ZFPM2: variants seen among roughly 807,000 people sequenced by gnomAD.
ZFPM2 encodes the protein zinc finger protein, FOG family member 2, also known as zinc finger protein ZFPM2.
In ZFPM2, 20 loss-of-function variants were observed where a neutral mutation model predicts 98.6. The ratio of observed to expected loss-of-function variants is 0.20; its 90% CI spans 0.14 to 0.29. The LOEUF (loss-of-function observed/expected upper bound fraction) is 0.29. ZFPM2 is among the 10% of genes least tolerant of loss of function. ZFPM2 has a pLI of 1.00. For missense variants in ZFPM2, 1,310 were observed against 1,388.6 expected (o/e 0.94, Z 0.90); for synonymous variants, 518 against 502.7 (o/e 1.03, Z -0.41).
chr8:105,753,354 A>C (rs1018972488), intron 5 of ZFPM2, among the ~76,000 whole-genome samples: 1 of 152,124 alleles, frequency 6.6e-6, no homozygotes, highest in Non-Finnish European at 1.5e-5. Context: ...ACCTATGGAC[A>C]GCTCCTCTGA....
At chr8:105,460,967 GA>G (rs1271786661) in intron 3 of ZFPM2, among the ~76,000 whole-genome samples, 3 of 151,634 alleles carry the variant, frequency 2.0e-5, no homozygotes, top group Non-Finnish European at 4.4e-5. Context: ...GTGGATAATA[GA>G]AAAAAATTTT....
chr8:105,345,395 C>T (rs1012347584), intron 1 of ZFPM2, among the ~76,000 whole-genome samples: 11 of 146,030 alleles, frequency 7.5e-5, no homozygotes, highest in African/African-American at 2.2e-4. Context: ...CATGATTCTG[C>T]GCTGACATAT....
At chr8:105,547,542 CAAAAAAAAAAAAA>C (rs148322534) in intron 3 of ZFPM2, among the ~76,000 whole-genome samples, 27 of 47,182 alleles carry the variant, frequency 5.7e-4, no homozygotes, top group Middle Eastern at 0.013. Context: ...AACTCCATCT[CAAAAAAAAAAAAA>C]AAAAAAAAAA....
rs184580499 is a variant in ZFPM2, at chr8:105,327,712, A to T, written c.40+8731A>T. ...TTACCTAGTTTGGAAGAGTGGCTTT[A>T]AAGCTTAACACACAATTCGATTAAA... On this transcript the variant is annotated intron_variant, in intron 1 of 7. Coordinates refer to ENST00000407775, the MANE Select transcript of ZFPM2 (RefSeq NM_012082.4). Among the ~76,000 whole-genome samples, 318 of 151,938 alleles carry T rather than the reference A, an allele frequency of 2.1e-3. 2 individuals are homozygous for T. The highest frequency in any genetic ancestry group is 7.4e-3 in the African/African-American group (307 of 41,522).
chr8:105,366,690 C>T (rs1444014425), intron 1 of ZFPM2, among the ~76,000 whole-genome samples: 1 of 121,444 alleles, frequency 8.2e-6, no homozygotes, highest in Non-Finnish European at 1.6e-5. Flanking sequence ...CCACCATAGT[C>T]CCCAGAGTGT....
intron 3 of ZFPM2, among the ~76,000 whole-genome samples, chr8:105,547,875 C>T (rs1344919831): frequency 2.0e-5 from 3 of 152,068 alleles, no homozygotes; most frequent in African/African-American, 4.8e-5. Context: ...TACCCATTTG[C>T]ATGATGCAGT....
At chr8:105,400,110 TC>T (rs1811307442) in intron 1 of ZFPM2, among the ~76,000 whole-genome samples, 1 of 152,166 alleles carries the variant, frequency 6.6e-6, no homozygotes, top group East Asian at 1.9e-4. Context: ...TAAATTTATG[TC>T]CATCTATTTA....
intron 1 of ZFPM2, among the ~76,000 whole-genome samples, chr8:105,386,733 G>C (rs1220355297): frequency 1.3e-5 from 2 of 152,106 alleles, no homozygotes; most frequent in African/African-American, 2.4e-5. Context: ...CTCTTATCGG[G>C]CCCCACCCAC....
chr8:105,489,466 ATTT>A (rs369037656), intron 3 of ZFPM2, among the ~76,000 whole-genome samples: 244 of 119,764 alleles, frequency 2.0e-3, no homozygotes, highest in East Asian at 0.016. Context: ...ATATATATAT[ATTT>A]TTTTTTTTTT....
At chr8:105,457,529 ACAGTGATAGAGG>A (rs1341697203) in intron 3 of ZFPM2, among the ~76,000 whole-genome samples, 2 of 152,218 alleles carry the variant, frequency 1.3e-5, no homozygotes, top group African/African-American at 4.8e-5. Flanking sequence ...GGCTGCAGGT[ACAGTGATAGAGG>A]CATTCACAGT....
Position 105,385,743 on chromosome 8 carries a change from C to T in ZFPM2, c.41-33401C>T, listed in dbSNP as rs1393293529. Among the ~76,000 whole-genome samples, 4 of 152,178 alleles carry T rather than the reference C, an allele frequency of 2.6e-5. No homozygotes were observed. In the East Asian group the frequency reaches 7.7e-4, roughly 29 times the overall value. On this transcript the variant is annotated intron_variant, in intron 1 of 7. Transcript: ENST00000407775. Reference sequence around the variant, plus strand: ...ATTACTTTATAGCAGTAATGTCATTCCTTCATTGGCACATTTTATCCATAG... The same window carrying T: ...ATTACTTTATAGCAGTAATGTCATTTCTTCATTGGCACATTTTATCCATAG...
At chr8:105,495,125 T>G (rs1157753722) in intron 3 of ZFPM2, among the ~76,000 whole-genome samples, 1 of 152,238 alleles carries the variant, frequency 6.6e-6, no homozygotes, top group Non-Finnish European at 1.5e-5. Context: ...CTTTAGCCAT[T>G]GCTAGGTCCC....
rs537103992 is a variant in ZFPM2 at position 105,457,915 on chromosome 8, G to A, written c.301+13534G>A. 1.4e-4 allele frequency among the ~76,000 whole-genome samples: 21 copies of A among 152,266 alleles called. 1 individual carries two copies. The highest frequency in any genetic ancestry group is 5.1e-4 in the African/African-American group (21 of 41,552). On this transcript the variant is annotated intron_variant, in intron 3 of 7. Coordinates refer to ENST00000407775, the MANE Select transcript of ZFPM2 (RefSeq NM_012082.4). The stretch of plus-strand genomic sequence containing the variant: ...AAGGGACTCCAGATTTAGACACGAG[G>A]CTGCCTATTGAAGATGCTTTACATC...
At chr8:105,772,921 G>C (rs879820226) in intron 5 of ZFPM2, among the ~76,000 whole-genome samples, 2 of 152,098 alleles carry the variant, frequency 1.3e-5, no homozygotes, top group Non-Finnish European at 2.9e-5. Context: ...TTGTTATCTT[G>C]ACATGGGCAC....
chr8:105,354,807 A>G (rs770101305), intron 1 of ZFPM2, among the ~76,000 whole-genome samples: 5 of 152,172 alleles, frequency 3.3e-5, no homozygotes, highest in Admixed American at 6.5e-5. Context: ...ACAAAAAATT[A>G]GCTGGGCATG....
chr8:105,588,222 T>A (rs1197204861), intron 4 of ZFPM2, among the ~76,000 whole-genome samples: 1 of 152,156 alleles, frequency 6.6e-6, no homozygotes, highest in Non-Finnish European at 1.5e-5. Context: ...TAAGGAATAG[T>A]CTGGCTACAT....
chr8:105,588,761 T>G (rs1049867593), intron 4 of ZFPM2, among the ~76,000 whole-genome samples: 1 of 152,220 alleles, frequency 6.6e-6, no homozygotes, highest in Non-Finnish European at 1.5e-5. Flanking sequence ...TGTCAAAGAT[T>G]AACCACACTG....
intron 3 of ZFPM2, among the ~76,000 whole-genome samples, chr8:105,485,211 C>T (rs575534261): frequency 2.4e-4 from 37 of 152,274 alleles, no homozygotes; most frequent in African/African-American, 8.7e-4. Context: ...GGGTAACCAA[C>T]GACAGAGTCC....
intron 4 of ZFPM2, among the ~76,000 whole-genome samples, chr8:105,618,144 CAG>C (rs1816459191): frequency 6.6e-6 from 1 of 152,152 alleles, no homozygotes. Context: ...TAATGTAAAA[CAG>C]AAACTGCTAA....
Sources: gnomAD v4.1 joint callset for allele counts (sites outside exome capture counted in the v4.1 genomes callset) on GRCh38, gnomAD v4.1.1 for gene constraint, MANE v1.5 for transcripts, NCBI Gene and HGNC (gene_info 2026-07-23, HGNC 2026-07-21) for gene names.